The following DCAF8L2 variants were observed in gnomAD, a reference collection of about 807,000 sequenced individuals.
DCAF8L2 encodes DDB1- and CUL4-associated factor 8-like protein 2.
For synonymous variants in DCAF8L2, 200 were observed against 190.9 expected (o/e 1.05, Z -0.39); for missense variants, 430 against 490.7 (o/e 0.88, Z 1.17).
the DCAF8L2 span, among the ~76,000 whole-genome samples, chrX:27,493,144 G>C: frequency 1.8e-5 from 2 of 111,350 alleles, no homozygotes; most frequent in Admixed American, 9.6e-5. Flanking sequence ...GGGAGGCTGA[G>C]GTGGGAGGAT....
the DCAF8L2 span, among the ~76,000 whole-genome samples, chrX:27,509,735 T>C: frequency 9.0e-6 from 1 of 111,442 alleles, no homozygotes; most frequent in Non-Finnish European, 1.9e-5. Flanking sequence ...AAAATGTAAG[T>C]GTTAGTAAAG....
At chrX:27,669,030 G>A (rs991394721) in intron 2 of DCAF8L2, among the ~76,000 whole-genome samples, 21 of 111,048 alleles carry the variant, frequency 1.9e-4, no homozygotes, top group Middle Eastern at 4.7e-3. Flanking sequence ...GGAAAGACAT[G>A]TGCACACAGA....
chrX:27,661,847 G>A (rs1405393302), intron 2 of DCAF8L2, among the ~76,000 whole-genome samples: 1 of 111,540 alleles, frequency 9.0e-6, no homozygotes, highest in Non-Finnish European at 1.9e-5. Flanking sequence ...TGGCAAGAGA[G>A]TCACAAAAAT....
the DCAF8L2 span, among the ~76,000 whole-genome samples, chrX:27,575,309 CTG>C: frequency 9.0e-6 from 1 of 111,687 alleles, no homozygotes; most frequent in Admixed American, 9.5e-5. Context: ...GTCTGGCCAC[CTG>C]TGTGTCTGCC....
the DCAF8L2 span, among the ~76,000 whole-genome samples, chrX:27,491,216 C>T: frequency 2.7e-5 from 3 of 112,120 alleles, no homozygotes; most frequent in Admixed American, 1.9e-4. Context: ...ATCATTTACT[C>T]GGTGATTTTC....
the DCAF8L2 span, among the ~76,000 whole-genome samples, chrX:27,489,846 A>G: frequency 4.5e-5 from 5 of 111,956 alleles, no homozygotes; most frequent in African/African-American, 1.6e-4. Flanking sequence ...TTCAGAGCAA[A>G]AATGTTATAT....
chrX:27,477,167 T>C, the DCAF8L2 span, among the ~76,000 whole-genome samples: 2 of 112,709 alleles, frequency 1.8e-5, no homozygotes, highest in African/African-American at 6.5e-5. Flanking sequence ...TTAAGTAGAA[T>C]TAAAATAGCA....
chrX:27,732,491 CGCGTGT>C (rs945572073), intron 4 of DCAF8L2, among the ~76,000 whole-genome samples: 1 of 61,790 alleles, frequency 1.6e-5, no homozygotes, highest in Non-Finnish European at 3.6e-5. Context: ...TGTGTGTGTG[CGCGTGT>C]GTGTGTGTGT....
chrX:27,721,830 A>G (rs1931910886), intron 4 of DCAF8L2, among the ~76,000 whole-genome samples: 1 of 111,846 alleles, frequency 8.9e-6, no homozygotes, highest in African/African-American at 3.2e-5. Flanking sequence ...AATTACCAGA[A>G]GAGAAATTTG....
chrX:27,490,501 G>A, the DCAF8L2 span, among the ~76,000 whole-genome samples: 6 of 109,293 alleles, frequency 5.5e-5, no homozygotes, highest in Non-Finnish European at 7.6e-5. Context: ...TCGCTCTGTC[G>A]CCCAGGCAGG....
At chrX:27,694,510 T>G (rs1930825853) in intron 3 of DCAF8L2, among the ~76,000 whole-genome samples, 1 of 111,141 alleles carries the variant, frequency 9.0e-6, no homozygotes, top group African/African-American at 3.3e-5. Flanking sequence ...TGAGCAATGT[T>G]TCTTATCAAG....
chrX:27,565,831 T>C, the DCAF8L2 span, among the ~76,000 whole-genome samples: 2 of 110,437 alleles, frequency 1.8e-5, no homozygotes, highest in African/African-American at 6.6e-5. Context: ...CAGAGTTGAC[T>C]ACAAAGGTTT....
At chrX:27,470,106 A>C in the DCAF8L2 span, among the ~76,000 whole-genome samples, 1 of 110,445 alleles carries the variant, frequency 9.1e-6, no homozygotes, top group African/African-American at 3.3e-5. Flanking sequence ...GGGCTGACAT[A>C]GTGTAAGAAT....
At chrX:27,514,287 G>GTGCACATATGTACCTATA in the DCAF8L2 span, among the ~76,000 whole-genome samples, 2 of 35,218 alleles carry the variant, frequency 5.7e-5, 1 homozygote, top group Non-Finnish European at 1.6e-4. Context: ...ATGTACATAT[G>GTGCACATATGTACCTATA]TGTGTGCATA....
At chrX:27,534,193 A>G in the DCAF8L2 span, among the ~76,000 whole-genome samples, 1 of 99,155 alleles carries the variant, frequency 1.0e-5, no homozygotes, top group South Asian at 5.3e-4. Flanking sequence ...CCTGGGCTAC[A>G]GAGAGACCCT....
At chrX:27,589,932 A>G (rs932169368), upstream of DCAF8L2, among the ~76,000 whole-genome samples, 1 of 111,637 alleles carries the variant, frequency 9.0e-6, no homozygotes, top group Non-Finnish European at 1.9e-5. Flanking sequence ...TAACATTTAT[A>G]TTCTGCCTCT....
intron 2 of DCAF8L2, among the ~76,000 whole-genome samples, chrX:27,666,958 G>C (rs1428133840): frequency 8.9e-6 from 1 of 111,825 alleles, no homozygotes; most frequent in Non-Finnish European, 1.9e-5. Flanking sequence ...GAAGAAACTT[G>C]TTGAAATGCA....
At chrX:27,570,822 C>A in the DCAF8L2 span, among the ~76,000 whole-genome samples, 7 of 111,999 alleles carry the variant, frequency 6.3e-5, no homozygotes, top group Non-Finnish European at 1.1e-4. Context: ...AGACTGTAAG[C>A]AATTTAATAT....
At chrX:27,557,579 G>T in the DCAF8L2 span, among the ~76,000 whole-genome samples, 1 of 111,555 alleles carries the variant, frequency 9.0e-6, no homozygotes, top group Non-Finnish European at 1.9e-5. Context: ...ATGAGAGGAA[G>T]AAATTGAATT....
Sources: gnomAD v4.1 joint callset for allele counts (sites outside exome capture counted in the v4.1 genomes callset) on GRCh38, gnomAD v4.1.1 for gene constraint, MANE v1.5 for transcripts, NCBI Gene and HGNC (gene_info 2026-07-23, HGNC 2026-07-21) for gene names.